PRKG1: variants seen among roughly 807,000 people sequenced by gnomAD.
PRKG1 encodes the protein cGMP-dependent protein kinase 1.
PRKG1 carries 35 observed loss-of-function variants against 88.1 expected under a neutral mutation model. The observed-to-expected ratio is 0.40, with a 90% confidence interval of 0.30 to 0.53. The LOEUF (loss-of-function observed/expected upper bound fraction) is 0.53. PRKG1 is among the 20% of genes least tolerant of loss of function. PRKG1 has a pLI of 0.59. For missense variants in PRKG1, 540 were observed against 839.8 expected, an observed-to-expected ratio of 0.64 and a Z score of 4.41; for synonymous variants, 303 against 292.5, an observed-to-expected ratio of 1.04 and a Z score of -0.37.
chr10:51,822,085 G>GTATATATATACACACA (rs1290711477), intron 4 of PRKG1, among the ~76,000 whole-genome samples: 1 of 151,376 alleles, frequency 6.6e-6, no homozygotes, highest in East Asian at 1.9e-4. Flanking sequence ...TAAAGAATAT[G>GTATATATATACACACA]TATATATATA....
At chr10:51,294,828 C>T (rs1459104077) in intron 2 of PRKG1, among the ~76,000 whole-genome samples, 1 of 152,118 alleles carries the variant, frequency 6.6e-6, no homozygotes, top group Non-Finnish European at 1.5e-5. Context: ...AATCCCATCA[C>T]TTTAGAGGCT....
chr10:51,279,167 T>C (rs1235567531), intron 2 of PRKG1, among the ~76,000 whole-genome samples: 2 of 152,242 alleles, frequency 1.3e-5, no homozygotes, highest in Admixed American at 6.5e-5. Context: ...TTTGTTCTCA[T>C]TGGCCTCAAA....
At chr10:51,616,781 T>A (rs1207526499) in intron 3 of PRKG1, among the ~76,000 whole-genome samples, 2 of 152,034 alleles carry the variant, frequency 1.3e-5, no homozygotes, top group East Asian at 3.9e-4. Flanking sequence ...GCCCTGCCAC[T>A]GGGTAGGGTG....
At chr10:52,183,025 T>C (rs1839084507) in intron 9 of PRKG1, among the ~76,000 whole-genome samples, 1 of 151,620 alleles carries the variant, frequency 6.6e-6, no homozygotes, top group Non-Finnish European at 1.5e-5. Flanking sequence ...GGGGAGGAGG[T>C]ATCAGGTTCT....
intron 5 of PRKG1, among the ~76,000 whole-genome samples, chr10:51,934,690 C>T (rs1259991131): frequency 6.6e-6 from 1 of 152,110 alleles, no homozygotes; most frequent in Non-Finnish European, 1.5e-5. Context: ...TCTGTGACGT[C>T]TGGAGTAGTG....
chr10:51,504,404 A>T (rs1046670110), intron 3 of PRKG1, among the ~76,000 whole-genome samples: 2 of 152,134 alleles, frequency 1.3e-5, no homozygotes, highest in South Asian at 2.1e-4. Context: ...TCAGGTAGTG[A>T]GATGCCTCCA....
intron 9 of PRKG1, among the ~76,000 whole-genome samples, chr10:52,234,048 A>G (rs2463880): frequency 0.94 from 142,446 of 151,594 alleles, 67,526 homozygotes; most frequent in East Asian, 1. Flanking sequence ...CCCCCAGCAG[A>G]GGCACACTGA....
At chr10:51,864,732 A>G (rs1290108389) in intron 4 of PRKG1, among the ~76,000 whole-genome samples, 1 of 152,214 alleles carries the variant, frequency 6.6e-6, no homozygotes, top group African/African-American at 2.4e-5. Flanking sequence ...TTTCAGACCA[A>G]TCACTTATCT....
At chr10:51,675,787 T>C (rs1035318277) in intron 3 of PRKG1, among the ~76,000 whole-genome samples, 1 of 152,204 alleles carries the variant, frequency 6.6e-6, no homozygotes, top group Non-Finnish European at 1.5e-5. Context: ...GACTTTAAGA[T>C]TCTATAGTTC....
intron 1 of PRKG1, among the ~76,000 whole-genome samples, chr10:51,088,177 T>C (rs995624554): frequency 6.6e-6 from 1 of 152,190 alleles, no homozygotes; most frequent in African/African-American, 2.4e-5. Flanking sequence ...TTGTTTTTAG[T>C]TTAAAATTTT....
At chr10:51,272,914 G>A (rs1840019211) in intron 2 of PRKG1, among the ~76,000 whole-genome samples, 1 of 152,214 alleles carries the variant, frequency 6.6e-6, no homozygotes, top group East Asian at 1.9e-4. Flanking sequence ...ATACTGTCAT[G>A]GCTTGTATTA....
intron 9 of PRKG1, among the ~76,000 whole-genome samples, chr10:52,183,726 A>C (rs1910546): frequency 0.43 from 65,888 of 152,040 alleles, 14,848 homozygotes; most frequent in African/African-American, 0.57. Context: ...TGGTGCCATG[A>C]TGCAACAGCT....
In PRKG1 at chr10:51,212,403, T is replaced by C. The variant is rs187833944; in HGVS notation, c.478+59073T>C. Among the ~76,000 whole-genome samples, 202 of 152,314 alleles carry C rather than the reference T, an allele frequency of 1.3e-3. 1 individual carries two copies. The highest frequency in any genetic ancestry group is 0.011 in the East Asian group (58 of 5,184). On this transcript the variant is annotated intron_variant, in intron 2 of 17. Coordinates refer to ENST00000373980, the MANE Select transcript of PRKG1 (RefSeq NM_006258.4). ...GGCAATACCATTCAGGACATAAGCA[T>C]GGGCAAGGACTTCATATCTAAAACA...
chr10:51,427,598 C>T (rs910923373), intron 2 of PRKG1, among the ~76,000 whole-genome samples: 1 of 152,182 alleles, frequency 6.6e-6, no homozygotes, highest in African/African-American at 2.4e-5. Flanking sequence ...GCAAGAGCCA[C>T]AGGCTGAAGG....
chr10:52,071,661 T>TGGGTGG (rs1312459064), intron 7 of PRKG1, among the ~76,000 whole-genome samples: 1 of 41,508 alleles, frequency 2.4e-5, no homozygotes, highest in Non-Finnish European at 4.5e-5. Context: ...GTGCTTGTCT[T>TGGGTGG]GGGTGGGGGT....
At chr10:51,573,707 A>G (rs756696727) in intron 3 of PRKG1, among the ~76,000 whole-genome samples, 6 of 151,820 alleles carry the variant, frequency 4.0e-5, no homozygotes, top group Admixed American at 6.6e-5. Context: ...ACCTTCAGCT[A>G]TGGAGTCTTA....
chr10:51,508,419 C>T (rs901135896), intron 3 of PRKG1, among the ~76,000 whole-genome samples: 2 of 152,088 alleles, frequency 1.3e-5, no homozygotes. Context: ...GTGGCTATGC[C>T]ATGCATTAAT....
intron 1 of PRKG1, among the ~76,000 whole-genome samples, chr10:51,103,024 A>G (rs1023764662): frequency 2.6e-5 from 4 of 152,180 alleles, no homozygotes; most frequent in African/African-American, 9.6e-5. Context: ...GCACAAAACC[A>G]GCTCTTGGAA....
chr10:51,463,175 A>T (rs1482598108), intron 2 of PRKG1, among the ~76,000 whole-genome samples: 2 of 152,204 alleles, frequency 1.3e-5, no homozygotes, highest in Non-Finnish European at 2.9e-5. Context: ...ACAATCATGA[A>T]TAAATGCTAA....
Sources: allele counts gnomAD v4.1 joint callset (sites outside exome capture counted in the v4.1 genomes callset), GRCh38; gene constraint gnomAD v4.1.1; transcripts MANE v1.5; gene names NCBI Gene and HGNC (gene_info 2026-07-23, HGNC 2026-07-21).